Variants in ZCWPW2 observed in about 807,000 individuals in gnomAD.
ZCWPW2 encodes the protein zinc finger CW-type and PWWP domain containing 2, also known as zinc finger CW-type PWWP domain protein 2.
A neutral mutation model predicts 46.6 loss-of-function variants in ZCWPW2; 45 were observed. The ratio of observed to expected loss-of-function variants is 0.96; its 90% CI spans 0.76 to 1.24. The LOEUF is 1.24. Among genes scored for constraint, ZCWPW2 ranks in the 50% most tolerant of loss-of-function variants. ZCWPW2 has a pLI of 0.00. For synonymous variants in ZCWPW2, 152 were observed against 137.1 expected, an observed-to-expected ratio of 1.11 and a Z score of -0.76; for missense variants, 429 against 403.9, an observed-to-expected ratio of 1.06 and a Z score of -0.53.
rs148843774 is a variant in ZCWPW2, at chr3:28,453,587, G to T, written c.492+18318G>T. Among the ~76,000 whole-genome samples the T allele has an allele frequency of 1.6e-3, 247 of 152,030 alleles. 3 individuals carry two copies. Among genetic ancestry groups the T allele is most frequent in the African/African-American group, 5.6e-3 (232 of 41,480 alleles). On this transcript the variant is annotated intron_variant, in intron 4 of 9. Transcript: ENST00000383768. ...GTTAAAGAAAAAAAACATGAATCAG[G>T]TCATTGTTTTTAAGCCAATATACAA...
chr3:28,503,959 G>C (rs1390223603), intron 6 of ZCWPW2, among the ~76,000 whole-genome samples: 1 of 151,974 alleles, frequency 6.6e-6, no homozygotes, highest in Non-Finnish European at 1.5e-5. Context: ...ACTTTGGAAG[G>C]CTGAGGCAGG....
chr3:28,381,050 GTATATATATATATATATATA>G (rs60041322), intron 1 of ZCWPW2, among the ~76,000 whole-genome samples: 1 of 12,138 alleles, frequency 8.2e-5, no homozygotes, highest in East Asian at 5.2e-3. Flanking sequence ...TATATTTGGT[GTATATATATATATATATATA>G]TATATATATA....
chr3:28,438,690 T>A (rs1697596016), intron 4 of ZCWPW2, among the ~76,000 whole-genome samples: 1 of 151,914 alleles, frequency 6.6e-6, no homozygotes, highest in Non-Finnish European at 1.5e-5. Context: ...TCAACAGAAA[T>A]TGTCCCTGAC....
At chr3:28,492,824 C>T (rs1263583723) in intron 6 of ZCWPW2, among the ~76,000 whole-genome samples, 1 of 151,926 alleles carries the variant, frequency 6.6e-6, no homozygotes, top group Non-Finnish European at 1.5e-5. Context: ...TACTTGTGGA[C>T]ATATACTAGT....
intron 2 of ZCWPW2, among the ~76,000 whole-genome samples, chr3:28,405,411 G>C (rs1232408424): frequency 1.3e-5 from 2 of 152,188 alleles, no homozygotes; most frequent in Non-Finnish European, 2.9e-5. Flanking sequence ...TTAGGGTAGA[G>C]GCTTGCAGAG....
At chr3:28,490,542 G>A (rs1598845) in intron 5 of ZCWPW2, among the ~76,000 whole-genome samples, 59,962 of 151,840 alleles carry the variant, frequency 0.39, 12,265 homozygotes, top group East Asian at 0.61. Flanking sequence ...ACTGGAGGCC[G>A]TTATCCTAAG....
chr3:28,511,622 C>CTCT (rs1004607741), intron 6 of ZCWPW2, among the ~76,000 whole-genome samples: 1 of 152,124 alleles, frequency 6.6e-6, no homozygotes, highest in Non-Finnish European at 1.5e-5. Flanking sequence ...ATCACCATCA[C>CTCT]TCTTCTTCTG....
At chr3:28,366,734 G>T (rs976727784) in intron 1 of ZCWPW2, among the ~76,000 whole-genome samples, 1 of 152,152 alleles carries the variant, frequency 6.6e-6, no homozygotes, top group Admixed American at 6.6e-5. Flanking sequence ...GCTCCTCCTT[G>T]TACCTCTGGT....
chr3:28,501,250 G>A (rs957803080), intron 6 of ZCWPW2, among the ~76,000 whole-genome samples: 1 of 152,108 alleles, frequency 6.6e-6, no homozygotes, highest in Non-Finnish European at 1.5e-5. Flanking sequence ...AAATGAGATT[G>A]GTTAACATCA....
intron 4 of ZCWPW2, among the ~76,000 whole-genome samples, chr3:28,449,342 G>T (rs1198062578): frequency 1.3e-5 from 2 of 152,146 alleles, no homozygotes; most frequent in East Asian, 1.9e-4. Flanking sequence ...ATATTATTTT[G>T]CCTTAAATAG....
At chr3:28,463,063 T>C (rs2125789813) in intron 4 of ZCWPW2, among the ~76,000 whole-genome samples, 1 of 152,342 alleles carries the variant, frequency 6.6e-6, no homozygotes, top group South Asian at 2.1e-4. Context: ...GCCGTATGTT[T>C]AGTCTCAAAC....
intron 4 of ZCWPW2, among the ~76,000 whole-genome samples, chr3:28,468,504 T>G (rs1698912732): frequency 6.6e-6 from 1 of 152,074 alleles, no homozygotes; most frequent in Non-Finnish European, 1.5e-5. Context: ...AGAAGACTAC[T>G]TCAGGGCATT....
chr3:28,474,614 TGTGTGTGCGCGCGC>T (rs1269708578), intron 4 of ZCWPW2, among the ~76,000 whole-genome samples: 1 of 149,342 alleles, frequency 6.7e-6, no homozygotes, highest in African/African-American at 2.5e-5. Flanking sequence ...TGTGTGTGTG[TGTGTGTGCGCGCGC>T]GCGCGCGCGC....
Position 28,421,105 on chromosome 3 carries a change from T to C in ZCWPW2, c.332+7705T>C, listed in dbSNP as rs187046951. Among the ~76,000 whole-genome samples the C allele has an allele frequency of 2.2e-3, 340 of 152,284 alleles. 5 individuals carry two copies. The highest frequency in any genetic ancestry group is 0.018 in the Admixed American group (282 of 15,292). ...AGCAGGATATGTGGGAGCACCTCTT[T>C]GTTACTCCCACATGGGAGTAAGAGT... On this transcript the variant is annotated intron_variant, in intron 3 of 9. Coordinates refer to ENST00000383768, the MANE Select transcript of ZCWPW2 (RefSeq NM_001040432.4).
At chr3:28,434,950 A>G (rs1220579929) in intron 3 of ZCWPW2, among the ~76,000 whole-genome samples, 160 bp from the exon 4 acceptor site, 2 of 152,226 alleles carry the variant, frequency 1.3e-5, no homozygotes, top group African/African-American at 4.8e-5. Flanking sequence ...TATTACTTGT[A>G]TCAAACAAAT....
intron 4 of ZCWPW2, among the ~76,000 whole-genome samples, chr3:28,459,360 ACT>A (rs1338127979): frequency 5.3e-5 from 8 of 151,288 alleles, no homozygotes; most frequent in Non-Finnish European, 1.0e-4. Flanking sequence ...ACAGAGCGAG[ACT>A]CTGTCTCCAA....
At chr3:28,413,927 C>A (rs1238418255) in intron 3 of ZCWPW2, among the ~76,000 whole-genome samples, 1 of 151,936 alleles carries the variant, frequency 6.6e-6, no homozygotes, top group Non-Finnish European at 1.5e-5. Flanking sequence ...TAATTGTTGC[C>A]TAGATACCTA....
At chr3:28,384,357 T>C (rs1695197372) in intron 1 of ZCWPW2, among the ~76,000 whole-genome samples, 1 of 152,168 alleles carries the variant, frequency 6.6e-6, no homozygotes, top group African/African-American at 2.4e-5. Context: ...AAATTAGTCT[T>C]ACTAGAAAAT....
intron 1 of ZCWPW2, among the ~76,000 whole-genome samples, chr3:28,349,406 A>G (rs1171216084): frequency 6.6e-6 from 1 of 152,138 alleles, no homozygotes; most frequent in African/African-American, 2.4e-5. Context: ...GTTCCTCTGT[A>G]GCCTCTGTTT....
Sources: gnomAD v4.1 joint callset for allele counts (sites outside exome capture counted in the v4.1 genomes callset) on GRCh38, gnomAD v4.1.1 for gene constraint, MANE v1.5 for transcripts, NCBI Gene and HGNC (gene_info 2026-07-23, HGNC 2026-07-21) for gene names.